Variants in ARHGEF3 observed in about 807,000 individuals in gnomAD.
ARHGEF3 encodes 59.8 kDA protein.
In ARHGEF3, 28 loss-of-function variants were observed where a neutral mutation model predicts 63.2. That is an observed-to-expected ratio of 0.44 (90% confidence interval 0.33 to 0.61). ARHGEF3 has a LOEUF of 0.61. ARHGEF3 is among the 20% of genes least tolerant of loss of function. The probability of loss-of-function intolerance (pLI) is 0.03; values close to 1 mark genes in which losing one functional copy is unlikely to be tolerated. For synonymous variants in ARHGEF3, 266 were observed against 254.2 expected (o/e 1.05, Z -0.44); for missense variants, 533 against 659.3 (o/e 0.81, Z 2.10).
At chr3:57,012,171 A>G (rs1256831531) in intron 2 of ARHGEF3, among the ~76,000 whole-genome samples, 2 of 152,208 alleles carry the variant, frequency 1.3e-5, no homozygotes, top group Non-Finnish European at 2.9e-5. Flanking sequence ...CAACAATGCA[A>G]TCACAATAAC....
intron 3 of ARHGEF3, among the ~76,000 whole-genome samples, chr3:56,902,336 G>C (rs549358960): frequency 6.6e-6 from 1 of 152,230 alleles, no homozygotes; most frequent in African/African-American, 2.4e-5. Context: ...GTGCGCGCGT[G>C]TGTGGATAGA....
At chr3:56,885,367 T>A (rs370721525) in intron 3 of ARHGEF3, among the ~76,000 whole-genome samples, 1 of 152,150 alleles carries the variant, frequency 6.6e-6, no homozygotes, top group Non-Finnish European at 1.5e-5. Context: ...ACCTGGCACA[T>A]AGTAGGTGCA....
chr3:56,786,575 AG>A (rs1179683447), intron 1 of ARHGEF3, among the ~76,000 whole-genome samples: 1 of 152,254 alleles, frequency 6.6e-6, no homozygotes, highest in Non-Finnish European at 1.5e-5. Flanking sequence ...ATTTTTCCAA[AG>A]GTTCATAACA....
At chr3:56,909,296 C>G (rs946414019) in intron 3 of ARHGEF3, among the ~76,000 whole-genome samples, 1 of 152,210 alleles carries the variant, frequency 6.6e-6, no homozygotes, top group Non-Finnish European at 1.5e-5. Context: ...AGGCCAAGTA[C>G]CATGTTAAAT....
At chr3:56,740,333 G>C (rs1296826435) in intron 7 of ARHGEF3, among the ~76,000 whole-genome samples, 1 of 151,256 alleles carries the variant, frequency 6.6e-6, no homozygotes. Flanking sequence ...AAGCTTTTTG[G>C]CCTTTGATGT....
chr3:56,933,420 T>A (rs1240825697), intron 3 of ARHGEF3, among the ~76,000 whole-genome samples: 3 of 151,724 alleles, frequency 2.0e-5, no homozygotes, highest in Non-Finnish European at 2.9e-5. Context: ...TACTTTTTTT[T>A]AGTTTTTAAC....
intron 3 of ARHGEF3, among the ~76,000 whole-genome samples, chr3:56,949,931 A>C (rs1699717389): frequency 6.6e-6 from 1 of 152,164 alleles, no homozygotes; most frequent in African/African-American, 2.4e-5. Flanking sequence ...ACCAAAACAG[A>C]GATATAGACC....
chr3:56,965,159 G>A (rs1700437752), intron 2 of ARHGEF3, among the ~76,000 whole-genome samples: 1 of 152,152 alleles, frequency 6.6e-6, no homozygotes, highest in Admixed American at 6.5e-5. Context: ...GCAGGCTGAG[G>A]TGGGAGGACT....
intron 2 of ARHGEF3, among the ~76,000 whole-genome samples, chr3:56,976,554 G>A (rs1036364076): frequency 6.6e-6 from 1 of 152,142 alleles, no homozygotes; most frequent in South Asian, 2.1e-4. Flanking sequence ...AATGAACATT[G>A]CAATCTTAAA....
At chr3:56,777,609 T>G (rs940524673) in intron 1 of ARHGEF3, among the ~76,000 whole-genome samples, 2 of 152,188 alleles carry the variant, frequency 1.3e-5, no homozygotes, top group Admixed American at 6.5e-5. Context: ...TCTAGCATAC[T>G]TTTTTATTCC....
At chr3:56,870,499 T>C (rs2040401447) in intron 4 of ARHGEF3, among the ~76,000 whole-genome samples, 1 of 152,130 alleles carries the variant, frequency 6.6e-6, no homozygotes. Flanking sequence ...GAACAGAGGA[T>C]TTTCAGGGCA....
intron 4 of ARHGEF3, among the ~76,000 whole-genome samples, chr3:56,845,484 T>C (rs145886340): frequency 7.2e-5 from 11 of 152,360 alleles, no homozygotes; most frequent in Admixed American, 3.3e-4. Context: ...TATTTGGTGA[T>C]ACCTGAATTG....
intron 1 of ARHGEF3, among the ~76,000 whole-genome samples, chr3:57,061,598 A>G (rs1034135042): frequency 1.3e-5 from 2 of 152,216 alleles, no homozygotes; most frequent in African/African-American, 4.8e-5. Context: ...TGCTGGGAAC[A>G]TGGGAATGCA....
At chr3:56,867,456 GCTAT>G (rs1460279658) in intron 4 of ARHGEF3, among the ~76,000 whole-genome samples, 1 of 128,554 alleles carries the variant, frequency 7.8e-6, no homozygotes, top group South Asian at 2.7e-4. Context: ...GAGTTAAAAT[GCTAT>G]TTATTTATTT....
chr3:57,063,714 G>A (rs1705366697), intron 1 of ARHGEF3, among the ~76,000 whole-genome samples: 1 of 152,138 alleles, frequency 6.6e-6, no homozygotes, highest in Admixed American at 6.5e-5. Context: ...CACGCTGCTG[G>A]TAGTCAGGAA....
intron 2 of ARHGEF3, chr3:57,007,111 A>G: frequency 3.4e-6 from 4 of 1,176,718 alleles, no homozygotes; most frequent in Non-Finnish European, 4.4e-6. Context: ...AGCAAGGTGT[A>G]CAGTTACTTG....
chr3:56,963,999 T>C (rs1334700020), intron 2 of ARHGEF3, among the ~76,000 whole-genome samples: 1 of 152,160 alleles, frequency 6.6e-6, no homozygotes, highest in African/African-American at 2.4e-5. Context: ...CTCAGCTTCA[T>C]TCTACTCATG....
At chr3:56,817,574 T>C (rs576677926) in intron 4 of ARHGEF3, among the ~76,000 whole-genome samples, 15 of 152,272 alleles carry the variant, frequency 9.9e-5, no homozygotes, top group African/African-American at 3.4e-4. Context: ...GCTGAAAAGC[T>C]AGAAAATAAT....
rs60299557 is a variant in ARHGEF3 at position 56,994,064 on chromosome 3, C to CAAAAAAAA, written c.63-35183_63-35176dup. 6.4e-4 allele frequency among the ~76,000 whole-genome samples: 38 copies of CAAAAAAAA among 59,732 alleles called. 4 individuals carry two copies. Among genetic ancestry groups the CAAAAAAAA allele is most frequent in the Non-Finnish European group, 1.0e-3 (31 of 29,892 alleles). 39.2% of individuals were successfully genotyped at this position (59,732 alleles called of 152,430 possible). A position where few individuals can be genotyped will look rare whatever the true frequency, so the allele number is the denominator to read the frequency against. The stretch of plus-strand genomic sequence containing the variant: ...GGGCGACAAGAGTGAAACTTCGTCT[C>CAAAAAAAA]AAAAAAAAAAAAAAAAAAAAAGCAC... On this transcript the variant is annotated intron_variant, in intron 2 of 12. Coordinates refer to the ARHGEF3 transcript ENST00000338458.
Sources: gnomAD v4.1 joint callset for allele counts (sites outside exome capture counted in the v4.1 genomes callset) on GRCh38, gnomAD v4.1.1 for gene constraint, MANE v1.5 for transcripts, NCBI Gene and HGNC (gene_info 2026-07-23, HGNC 2026-07-21) for gene names.